HAGH: variants seen among roughly 807,000 people sequenced by gnomAD.
The protein encoded by HAGH is hydroxyacylglutathione hydrolase, also known as hydroxyacylglutathione hydrolase, mitochondrial.
A neutral mutation model predicts 35.1 loss-of-function variants in HAGH; 29 were observed. That is an observed-to-expected ratio of 0.83 (90% CI 0.62 to 1.13). The LOEUF is 1.13. Ranked by LOEUF, HAGH falls within the 50% of genes most tolerant of loss-of-function variation. HAGH has a pLI of 0.00. For missense variants in HAGH, 478 were observed against 419.6 expected (o/e 1.14, Z -1.22); for synonymous variants, 225 against 176.1 (o/e 1.28, Z -2.20).
At chr16:1,820,077 GGGGGCTGCCTGC>G (rs1567259930) in intron 3 of HAGH, 63 bp from the exon 4 acceptor site, 2 of 307,508 alleles carry the variant, frequency 6.5e-6, no homozygotes, top group African/African-American at 4.4e-5. Flanking sequence ...GCTGAGCTGA[GGGGGCTGCCTGC>G]TGAGCTGAGG....
In HAGH at chr16:1,809,769, G is replaced by C. The variant is rs747780799; in HGVS notation, c.812C>G (p.Pro271Arg). Reference protein sequence around the residue: ...STLAEEFTYNPFMRVREKTVQ... With the variant: ...STLAEEFTYNRFMRVREKTVQ... ...TGGGCCTCACCTCACTCTCATGAAG[G>C]GGTTGTAGGTAAACTCCTCTGCCAG... Residue 271 changes from proline to arginine, a missense_variant, in exon 8 of 9, where the codon CCC becomes CGC. Transcript: ENST00000397356. 6.2e-7 allele frequency: 1 copy of C among 1,612,740 alleles called. No individual in the cohort carries two copies.
chr16:1,826,700 C>T lies in HAGH; in HGVS notation c.76+12G>A. The T allele has an allele frequency of 9.4e-7, 1 of 1,064,184 alleles. No homozygotes were observed. The highest frequency in any genetic ancestry group is 1.1e-6 in the Non-Finnish European group (1 of 880,954). 65.9% of individuals were successfully genotyped at this position (1,064,184 alleles called of 1,614,324 possible). On this transcript the variant is annotated intron_variant, in intron 1 of 8. Coordinates refer to ENST00000397356, the MANE Select transcript of HAGH (RefSeq NM_005326.6). ...CCGCGTCCCCCGGCCCGCACCGCCC[C>T]GCCGCACCCACCGAGGCCTCGGCGG... is the stretch of plus-strand genomic sequence containing the variant.
rs753584113 is a variant in HAGH at position 1,822,858 on chromosome 16, T to C, written c.249+7A>G. The C allele has an allele frequency of 3.1e-6, 5 of 1,612,410 alleles. No homozygotes were observed. Among genetic ancestry groups the C allele is most frequent in the Non-Finnish European group, 4.2e-6 (5 of 1,178,938 alleles). On this transcript the variant is annotated splice_region_variant and intron_variant, in intron 2 of 8. Coordinates refer to ENST00000397356, the MANE Select transcript of HAGH (RefSeq NM_005326.6). ...GGGCAGGGAGAGCCAGGCACAGCCA[T>C]GCGCACCTTCTGGGGCTGCACCGGA...
chr16:1,818,967 C>A, intron 5 of HAGH, 148 bp downstream of exon 5: 1 of 611,336 alleles, frequency 1.6e-6, no homozygotes, highest in South Asian at 2.0e-5. Flanking sequence ...TCGGCCAGCC[C>A]CACCATGAGG....
intron 8 of HAGH, 80 bp from the exon 9 acceptor site, chr16:1,809,462 ACT>A: frequency 1.7e-6 from 2 of 1,208,060 alleles, no homozygotes; most frequent in South Asian, 1.2e-5. Context: ...GAGGAAGGCG[ACT>A]CGTGCTGGCC....
chr16:1,812,182 G>A (rs908476959), intron 7 of HAGH, among the ~76,000 whole-genome samples: 3 of 113,114 alleles, frequency 2.7e-5, no homozygotes, highest in African/African-American at 3.6e-5. Context: ...AGAGCAAGAC[G>A]CTGTCTCTCC....
Position 1,819,986 on chromosome 16 carries a change from C to T in HAGH, c.343G>A (p.Val115Ile), listed in dbSNP as rs114352351. 0.014 allele frequency: 22,516 copies of T among 1,612,918 alleles called. 190 individuals carry two copies. Among genetic ancestry groups the T allele is most frequent in the Non-Finnish European group, 0.017 (19,698 of 1,179,300 alleles). The change falls in exon 4 of 9, where the codon GTC (valine) becomes ATC (isoleucine). Residue 115 changes from valine to isoleucine, a missense_variant. Physicochemically the swap from Val to Ile is conservative, Grantham distance 29. Coordinates refer to ENST00000397356, the MANE Select transcript of HAGH (RefSeq NM_005326.6). ...WDHAGGNEKL[V>I]KLESGLKVYG... ...ACCTTCAGTCCCGACTCCAGCTTGA[C>T]CAGTTTCTCATTCCCGCCAGCATGG...
chr16:1,810,210 A>T (rs896724687), intron 7 of HAGH: 4 of 190,886 alleles, frequency 2.1e-5, no homozygotes, highest in African/African-American at 9.4e-5. Context: ...TGCCCGACTG[A>T]CAAGGCTGAG....
Position 1,809,136 on chromosome 16 carries a change from T to C in HAGH, c.*147A>G, listed in dbSNP as rs1482598102. 12 of 631,208 alleles carry C rather than the reference T, an allele frequency of 1.9e-5. No individual in the cohort carries two copies. The highest frequency in any genetic ancestry group is 2.4e-5 in the Admixed American group (1 of 41,182). The allele number at this position is 631,208 out of a possible 1,614,324, so 39.1% of individuals were successfully genotyped here. A position where few individuals can be genotyped will look rare whatever the true frequency, so the allele number is the denominator to read the frequency against. On this transcript the variant is annotated 3_prime_UTR_variant, in exon 9 of 9. Coordinates refer to ENST00000397356, the MANE Select transcript of HAGH (RefSeq NM_005326.6). ...ATAAATACTTGTTAAACTTCTCTTA[T>C]AAATATGCATTAGAATGTCCGATAA... is the stretch of plus-strand genomic sequence containing the variant.
Position 1,809,035 on chromosome 16 carries a change from G to C in HAGH, c.*248C>G. The stretch of plus-strand genomic sequence containing the variant: ...TGGGGGGACTGCAGTGGCTCACGGA[G>C]GAGGAAGGAGGCCCGAGGGGACAAG... On this transcript the variant is annotated 3_prime_UTR_variant, in exon 9 of 9. Transcript: ENST00000397356. 1 of 476,442 alleles carries C rather than the reference G, an allele frequency of 2.1e-6. No individual in the cohort carries two copies. 29.5% of individuals were successfully genotyped at this position (476,442 alleles called of 1,614,324 possible).
At chr16:1,823,539 T>C (rs1181397109) in intron 1 of HAGH, among the ~76,000 whole-genome samples, 6 of 151,776 alleles carry the variant, frequency 4.0e-5, no homozygotes, top group African/African-American at 7.3e-5. Flanking sequence ...AGTGCTGGGA[T>C]GACAGGTGTG....
Position 1,809,134 on chromosome 16 carries a change from T to G in HAGH, c.*149A>C. On this transcript the variant is annotated 3_prime_UTR_variant, in exon 9 of 9. Transcript: ENST00000397356. ...GAATAAATACTTGTTAAACTTCTCT[T>G]ATAAATATGCATTAGAATGTCCGAT... 3.2e-6 allele frequency: 2 copies of G among 630,518 alleles called. No individual in the cohort carries two copies. The highest frequency in any genetic ancestry group is 5.7e-6 in the Non-Finnish European group (2 of 349,030). 39.1% of individuals were successfully genotyped at this position (630,518 alleles called of 1,614,324 possible). A position where few individuals can be genotyped will look rare whatever the true frequency, so the allele number is the denominator to read the frequency against.
intron 1 of HAGH, among the ~76,000 whole-genome samples, chr16:1,823,968 T>G (rs1273669441): frequency 1.3e-5 from 2 of 152,018 alleles, no homozygotes; most frequent in Non-Finnish European, 2.9e-5. Flanking sequence ...AGGGACAGAA[T>G]GTGAAGAAGG....
chr16:1,807,905 C>T lies in HAGH; in HGVS notation c.*1378G>A, dbSNP rs914295635. The stretch of plus-strand genomic sequence containing the variant: ...CACAAGCCTCGGGCCAGGCTTGCTC[C>T]TAGGTCCCAGGGCCGCTCTGCCCCT... On this transcript the variant is annotated 3_prime_UTR_variant, in exon 9 of 9. Coordinates refer to ENST00000397356, the MANE Select transcript of HAGH (RefSeq NM_005326.6). 2 of 152,250 alleles carry T rather than the reference C, an allele frequency of 1.3e-5. No individual in the cohort carries two copies. Among genetic ancestry groups the T allele is most frequent in the Non-Finnish European group, 2.9e-5 (2 of 68,086 alleles). The allele number at this position is 152,250 out of a possible 1,614,324, so 9.4% of individuals were successfully genotyped here.
intron 1 of HAGH, 153 bp downstream of exon 1, chr16:1,826,559 C>G: frequency 1.0e-6 from 1 of 982,702 alleles, no homozygotes; most frequent in Non-Finnish European, 1.2e-6. Context: ...AGCCTCAGCG[C>G]CTGCGCCGCC....
At chr16:1,819,253 C>T (rs758501478) in intron 4 of HAGH, 30 bp from the exon 5 acceptor site, 1 of 1,415,916 alleles carries the variant, frequency 7.1e-7, no homozygotes, top group South Asian at 1.2e-5. Flanking sequence ...CGCGTGTGCT[C>T]CCAGACACCC....
At chr16:1,817,430 C>T (rs1023000966) in intron 5 of HAGH, among the ~76,000 whole-genome samples, 159 bp from the exon 6 acceptor site, 126 of 152,276 alleles carry the variant, frequency 8.3e-4, no homozygotes, top group African/African-American at 3.0e-3. Flanking sequence ...CCCTGCATTC[C>T]GGCTCCCACA....
In HAGH at chr16:1,819,826, C is replaced by T. The variant is rs570403237; in HGVS notation, c.432+71G>A. Reference sequence around the variant, plus strand: ...CTGGGGTAAGGGAGCAGAGAGAATGCGGGGAGGGACCCCCCTCCCCCACGC... The same window carrying T: ...CTGGGGTAAGGGAGCAGAGAGAATGTGGGGAGGGACCCCCCTCCCCCACGC... On this transcript the variant is annotated intron_variant, in intron 4 of 8. Coordinates refer to ENST00000397356, the MANE Select transcript of HAGH (RefSeq NM_005326.6). 633 of 913,372 alleles carry T rather than the reference C, an allele frequency of 6.9e-4. 4 individuals are homozygous for T. Among genetic ancestry groups the T allele is most frequent in the South Asian group, 3.0e-3 (226 of 76,038 alleles). 56.6% of individuals were successfully genotyped at this position (913,372 alleles called of 1,614,324 possible). A position where few individuals can be genotyped will look rare whatever the true frequency, so the allele number is the denominator to read the frequency against.
rs201545630 is a variant in HAGH, at chr16:1,819,185, G to A, written c.471C>T (p.Cys157=). ...SLNVKCLATP[C]HTSGHICYFV... ...AGTAACAAATGTGTCCTGAAGTGTG[G>A]CACGGGGTCGCCAGGCACTTGACGT... Residue 157 remains cysteine (C), a synonymous_variant, in exon 5 of 9, where the codon TGC becomes TGT. Transcript: ENST00000397356. The A allele has an allele frequency of 5.0e-6, 8 of 1,612,894 alleles. No homozygotes were observed. In the Admixed American group the frequency reaches 8.3e-5, roughly 17 times the overall value.
Sources: gnomAD v4.1 joint callset for allele counts (sites outside exome capture counted in the v4.1 genomes callset) on GRCh38, gnomAD v4.1.1 for gene constraint, MANE v1.5 for transcripts, NCBI Gene and HGNC (gene_info 2026-07-23, HGNC 2026-07-21) for gene names.